The following ARSG variants were observed in gnomAD, a reference collection of about 807,000 sequenced individuals.
The protein encoded by ARSG is arylsulfatase G.
A neutral mutation model predicts 50.5 loss-of-function variants in ARSG; 37 were observed. The observed-to-expected ratio is 0.73, with a 90% CI of 0.56 to 0.96. ARSG has a LOEUF of 0.96. Ranked by LOEUF, ARSG falls within the 50% of genes least tolerant of loss-of-function variation. The pLI is 0.00. For synonymous variants in ARSG, 225 were observed against 254.6 expected (o/e 0.88, Z 1.11); for missense variants, 629 against 675.3 (o/e 0.93, Z 0.76).
chr17:68,420,139 C>T (rs2082676550), intron 11 of ARSG, 50 bp from the exon 12 acceptor site: 4 of 1,597,240 alleles, frequency 2.5e-6, no homozygotes, highest in South Asian at 1.1e-5. Flanking sequence ...CTTTACAACA[C>T]AGGGCAACTG....
At chr17:68,273,293 T>C (rs1315529271) in intron 1 of ARSG, among the ~76,000 whole-genome samples, 8 of 152,044 alleles carry the variant, frequency 5.3e-5, no homozygotes, top group Admixed American at 5.2e-4. Flanking sequence ...ACTGGAGCCT[T>C]GACCTCCCAG....
At chr17:68,414,638 G>C (rs1468462450) in intron 11 of ARSG, among the ~76,000 whole-genome samples, 7 of 152,148 alleles carry the variant, frequency 4.6e-5, no homozygotes, top group African/African-American at 1.7e-4. Context: ...GAATTCTGCT[G>C]TGGATCCATC....
Position 68,337,573 on chromosome 17 carries a change from C to T in ARSG, c.219-6031C>T, listed in dbSNP as rs1041653043. Among the ~76,000 whole-genome samples the T allele has an allele frequency of 4.6e-5, 7 of 151,360 alleles. No individual in the cohort carries two copies. The East Asian group carries it at 5.9e-4, about 13-fold the overall frequency. ...GGATGATCATGACCCTGAACAGGCA[C>T]CTGGAGATTAGGAAGCTAAGCAGAA... On this transcript the variant is annotated intron_variant, in intron 2 of 11. Coordinates refer to ENST00000621439, the MANE Select transcript of ARSG (RefSeq NM_001267727.2).
rs560482040 is a variant in ARSG at position 68,399,418 on chromosome 17, T to C, written c.1213-1942T>C. 6.6e-6 allele frequency among the ~76,000 whole-genome samples: 1 copy of C among 152,090 alleles called. No homozygotes were observed. The highest frequency in any genetic ancestry group is 6.5e-5 in the Admixed American group (1 of 15,280). On this transcript the variant is annotated intron_variant, in intron 10 of 11. Coordinates refer to ENST00000621439, the MANE Select transcript of ARSG (RefSeq NM_001267727.2). The surrounding 1 kb of genome is among the most constrained non-coding windows in gnomAD (Gnocchi z 4.6). ...GCTTAAAAAACAAAACAAGATAAAATAGAGCAAGAAAGGCCACCAGGAAGG... is the reference window on the plus strand; with the variant it reads ...GCTTAAAAAACAAAACAAGATAAAACAGAGCAAGAAAGGCCACCAGGAAGG...
intron 11 of ARSG, among the ~76,000 whole-genome samples, chr17:68,417,484 G>A (rs1226601198): frequency 5.9e-5 from 9 of 152,102 alleles, no homozygotes; most frequent in South Asian, 2.1e-4. Flanking sequence ...GGGGGGTGGC[G>A]CTTGATAACT....
chr17:68,383,223 G>C (rs966947403), intron 8 of ARSG, among the ~76,000 whole-genome samples: 1 of 152,046 alleles, frequency 6.6e-6, no homozygotes, highest in African/African-American at 2.4e-5. Flanking sequence ...ATCCCTAATT[G>C]GTGAAGACCA....
At chr17:68,319,687 G>A (rs1005640142) in intron 2 of ARSG, among the ~76,000 whole-genome samples, 2 of 152,204 alleles carry the variant, frequency 1.3e-5, no homozygotes, top group African/African-American at 2.4e-5. Flanking sequence ...AGAGGAGGAC[G>A]TGAGACAACT....
chr17:68,331,613 C>T (rs1029606733), intron 2 of ARSG, among the ~76,000 whole-genome samples: 3 of 152,098 alleles, frequency 2.0e-5, no homozygotes, highest in South Asian at 2.1e-4. Context: ...CCGCCTACCT[C>T]GGCTTCCCAA....
chr17:68,441,848 G>A, the ARSG span, among the ~76,000 whole-genome samples: 1 of 152,134 alleles, frequency 6.6e-6, no homozygotes, highest in Non-Finnish European at 1.5e-5. Flanking sequence ...AAAACACCTT[G>A]GGCTATATCT....
chr17:68,300,574 C>T (rs1002508236), intron 1 of ARSG, among the ~76,000 whole-genome samples: 4 of 152,098 alleles, frequency 2.6e-5, no homozygotes, highest in East Asian at 1.9e-4. Context: ...AGAGGAAAGA[C>T]GTTATTCAGA....
chr17:68,433,117 GC>G, the ARSG span, among the ~76,000 whole-genome samples: 1 of 152,200 alleles, frequency 6.6e-6, no homozygotes, highest in Non-Finnish European at 1.5e-5. Context: ...CTTCCTATGT[GC>G]CAGGCACGAT....
intron 2 of ARSG, among the ~76,000 whole-genome samples, chr17:68,312,269 A>C (rs557597957): frequency 5.9e-5 from 9 of 152,300 alleles, no homozygotes; most frequent in African/African-American, 2.2e-4. Context: ...GTGGGCAATT[A>C]ATAAATATTT....
chr17:68,351,868 G>A (rs184807062), intron 5 of ARSG, among the ~76,000 whole-genome samples, 182 bp downstream of exon 5: 87 of 152,282 alleles, frequency 5.7e-4, no homozygotes, highest in Non-Finnish European at 1.0e-3. Context: ...ACCTTTCAAC[G>A]ATGAGGTCCA....
chr17:68,265,838 C>T (rs55782944), intron 1 of ARSG, among the ~76,000 whole-genome samples: 18,878 of 151,428 alleles, frequency 0.12, 1,575 homozygotes, highest in East Asian at 0.32. Flanking sequence ...TTTCAGTATC[C>T]GTAAATAAAA....
chr17:68,313,608 C>T (rs12600996), intron 2 of ARSG, among the ~76,000 whole-genome samples: 1 of 151,476 alleles, frequency 6.6e-6, no homozygotes, highest in South Asian at 2.1e-4. Context: ...GTCACAGGTT[C>T]TGGATTGATA....
At chr17:68,283,878 C>CAAAAAA (rs58291216) in intron 1 of ARSG, among the ~76,000 whole-genome samples, 147 of 55,098 alleles carry the variant, frequency 2.7e-3, no homozygotes, top group East Asian at 4.9e-3. Flanking sequence ...AACTCCGTCT[C>CAAAAAA]AAAAAAAAAA....
At chr17:68,426,238 C>CGTGGGG, downstream of ARSG, 1 of 615,202 alleles carries the variant, frequency 1.6e-6, no homozygotes, top group South Asian at 1.9e-5. Context: ...CATGACCTGG[C>CGTGGGG]GGGTGGGGAG....
chr17:68,387,717 T>A (rs2080795871), intron 9 of ARSG, among the ~76,000 whole-genome samples: 1 of 152,190 alleles, frequency 6.6e-6, no homozygotes, highest in Non-Finnish European at 1.5e-5. Flanking sequence ...CACCTACTCT[T>A]GTTTCATTGC....
rs782334681 is a variant in ARSG, at chr17:68,307,464, C to G, written c.-30C>G. ...ATCTCTAGTGGTGGCTGCCGTCGCT[C>G]CAGACAATCGGAATCCTGCCTTCAC... On this transcript the variant is annotated 5_prime_UTR_variant, in exon 2 of 12. Coordinates refer to ENST00000621439, the MANE Select transcript of ARSG (RefSeq NM_001267727.2). 16 of 1,582,648 alleles carry G rather than the reference C, an allele frequency of 1.0e-5. No individual in the cohort carries two copies. In the South Asian group the frequency reaches 1.8e-4, roughly 18 times the overall value.
Sources: gnomAD v4.1 joint callset for allele counts (sites outside exome capture counted in the v4.1 genomes callset) on GRCh38, gnomAD v4.1.1 for gene constraint, Gnocchi (gnomAD v3.1) non-coding constraint, MANE v1.5 for transcripts, NCBI Gene and HGNC (gene_info 2026-07-23, HGNC 2026-07-21) for gene names.